The following VPS13B variants were observed in gnomAD, a reference collection of about 807,000 sequenced individuals.
The protein encoded by VPS13B is intermembrane lipid transfer protein VPS13B.
Under a neutral mutation model 426.4 loss-of-function variants are expected in VPS13B, and 285 were observed. The ratio of observed to expected loss-of-function variants is 0.67; its 90% CI spans 0.61 to 0.74. The LOEUF (loss-of-function observed/expected upper bound fraction) is 0.74, where lower values mean the gene tolerates loss of function less well. Among genes scored for constraint, VPS13B ranks in the 30% least tolerant of loss-of-function variants. VPS13B has a pLI of 0.00. For missense variants in VPS13B, 4,537 were observed against 4,782.6 expected (o/e 0.95, Z 1.51); for synonymous variants, 1,676 against 1,676.4 (o/e 1.00, Z 0.01).
At chr8:99,479,228 A>T (rs776130562) in intron 24 of VPS13B, among the ~76,000 whole-genome samples, 1 of 152,170 alleles carries the variant, frequency 6.6e-6, no homozygotes, top group Non-Finnish European at 1.5e-5. Context: ...TCCTTCAGGA[A>T]TATACCTTGA....
intron 12 of VPS13B, among the ~76,000 whole-genome samples, chr8:99,137,121 G>A (rs946310360): frequency 3.3e-5 from 5 of 151,998 alleles, no homozygotes; most frequent in Admixed American, 2.0e-4. Flanking sequence ...AGAATGTGTT[G>A]TATCAATCAG....
chr8:99,367,508 C>A (rs1057481989), intron 19 of VPS13B, among the ~76,000 whole-genome samples: 1 of 152,068 alleles, frequency 6.6e-6, no homozygotes, highest in African/African-American at 2.4e-5. Context: ...GTTCTGTAAA[C>A]CTCTTATACC....
chr8:99,443,864 C>G (rs1392699119), intron 23 of VPS13B, among the ~76,000 whole-genome samples: 1 of 152,084 alleles, frequency 6.6e-6, no homozygotes, highest in Non-Finnish European at 1.5e-5. Context: ...CGTATAGTAA[C>G]TATGTTTGAG....
chr8:99,756,960 C>G (rs1810670992), intron 39 of VPS13B, among the ~76,000 whole-genome samples: 1 of 152,132 alleles, frequency 6.6e-6, no homozygotes, highest in Non-Finnish European at 1.5e-5. Flanking sequence ...CTTCACTGAG[C>G]CATATTTCAC....
chr8:99,471,509 A>G (rs1203302273), intron 24 of VPS13B, among the ~76,000 whole-genome samples: 1 of 152,158 alleles, frequency 6.6e-6, no homozygotes, highest in Non-Finnish European at 1.5e-5. Flanking sequence ...GAAAATGCAA[A>G]AATACAAAAG....
intron 17 of VPS13B, among the ~76,000 whole-genome samples, chr8:99,215,794 T>C (rs191503509): frequency 6.6e-6 from 1 of 152,260 alleles, no homozygotes; most frequent in Admixed American, 6.5e-5. Flanking sequence ...GGATGTTCAG[T>C]ATAAGCTTTT....
chr8:99,254,941 C>T (rs772989659), intron 17 of VPS13B, among the ~76,000 whole-genome samples: 70 of 152,250 alleles, frequency 4.6e-4, no homozygotes, highest in Non-Finnish European at 8.2e-4. Context: ...TTTTGAAGTA[C>T]ATTTTCTGTT....
At chr8:99,868,502 G>T in intron 59 of VPS13B, 37 bp downstream of exon 59, 1 of 1,577,772 alleles carries the variant, frequency 6.3e-7, no homozygotes, top group South Asian at 1.2e-5. Context: ...CAACCCAGAC[G>T]TTACTGATTT....
chr8:99,075,056 G>A (rs1845047036), intron 3 of VPS13B, among the ~76,000 whole-genome samples: 1 of 151,986 alleles, frequency 6.6e-6, no homozygotes, highest in African/African-American at 2.4e-5. Flanking sequence ...TTTAAGAATT[G>A]GTTCTTCCTT....
At chr8:99,738,873 CCA>C (rs1330445949) in intron 39 of VPS13B, among the ~76,000 whole-genome samples, 1 of 152,106 alleles carries the variant, frequency 6.6e-6, no homozygotes, top group Admixed American at 6.5e-5. Context: ...AGGAACAGCT[CCA>C]GTCTAGAGCT....
chr8:99,405,882 C>T (rs914050342), intron 21 of VPS13B, among the ~76,000 whole-genome samples: 9 of 151,542 alleles, frequency 5.9e-5, no homozygotes, highest in South Asian at 2.1e-4. Flanking sequence ...CAGTTTCAAG[C>T]GATTCTCCTG....
At chr8:99,132,241 C>G (rs758624064) in intron 8 of VPS13B, among the ~76,000 whole-genome samples, 3 of 152,116 alleles carry the variant, frequency 2.0e-5, no homozygotes, top group Non-Finnish European at 4.4e-5. Context: ...CCTTTTCAAA[C>G]ACTACTGCTG....
intron 36 of VPS13B, among the ~76,000 whole-genome samples, chr8:99,703,240 CA>C (rs1280084100): frequency 1.3e-5 from 2 of 151,968 alleles, no homozygotes; most frequent in Non-Finnish European, 2.9e-5. Context: ...TCTACTTTAC[CA>C]AAAATATCTA....
Position 99,642,024 on chromosome 8 carries a change from T to C in VPS13B, c.5434T>C (p.Phe1812Leu). The change falls in exon 34 of 62, where the codon TTT becomes CTT. Residue 1812 changes from phenylalanine (F) to leucine (L), a missense_variant. This residue lies in a region of VPS13B where 4,311 missense variants were observed against 4,474.3 expected (regional missense o/e 0.96). Coordinates refer to ENST00000357162, the MANE Select transcript of VPS13B (RefSeq NM_152564.5). ...SIVKNLNFIP[F>L]DIFITASRIS... Reference sequence around the variant, plus strand: ...TGTAAAAAATCTAAATTTTATTCCCTTTGACATATTTATTACTGCAAGTAG... The same window carrying C: ...TGTAAAAAATCTAAATTTTATTCCCCTTGACATATTTATTACTGCAAGTAG... 1 of 1,614,096 alleles carries C rather than the reference T, an allele frequency of 6.2e-7. No individual in the cohort carries two copies. The highest frequency in any genetic ancestry group is 8.5e-7 in the Non-Finnish European group (1 of 1,180,004).
At chr8:99,705,596 C>T (rs16897575) in intron 36 of VPS13B, among the ~76,000 whole-genome samples, 3,060 of 152,114 alleles carry the variant, frequency 0.02, 110 homozygotes, top group African/African-American at 0.07. Flanking sequence ...GCTGCTCAGC[C>T]GTGTTTACAT....
At chr8:99,572,854 T>C (rs1825554018) in intron 31 of VPS13B, among the ~76,000 whole-genome samples, 1 of 152,182 alleles carries the variant, frequency 6.6e-6, no homozygotes, top group Admixed American at 6.5e-5. Context: ...TATTTCTAGT[T>C]CTAGATCCTT....
At chr8:99,345,625 C>T (rs1811495525) in intron 19 of VPS13B, among the ~76,000 whole-genome samples, 1 of 151,914 alleles carries the variant, frequency 6.6e-6, no homozygotes, top group Middle Eastern at 3.4e-3. Context: ...TTTTTTTATG[C>T]CCCTTTTCTT....
chr8:99,654,194 G>A (rs1180761366), intron 34 of VPS13B, among the ~76,000 whole-genome samples: 6 of 151,988 alleles, frequency 3.9e-5, no homozygotes, highest in South Asian at 4.2e-4. Flanking sequence ...GACTATAGGC[G>A]CCCGCCACCA....
At chr8:99,661,611 C>A in intron 35 of VPS13B, 120 bp downstream of exon 35, 1 of 1,274,180 alleles carries the variant, frequency 7.8e-7, no homozygotes, top group Non-Finnish European at 1.1e-6. Context: ...CATTTTTTCC[C>A]AGAGGTGTAT....
Sources: gnomAD v4.1 joint callset for allele counts (sites outside exome capture counted in the v4.1 genomes callset) on GRCh38, gnomAD v4.1.1 for gene constraint, gnomAD v4.1.1 regional missense constraint, MANE v1.5 for transcripts, NCBI Gene and HGNC (gene_info 2026-07-23, HGNC 2026-07-21) for gene names.